The following GAS7 variants were observed in gnomAD, a reference collection of about 807,000 sequenced individuals.
The protein encoded by GAS7 is growth arrest specific 7, also known as growth arrest-specific protein 7.
In GAS7, 28 loss-of-function variants were observed where a neutral mutation model predicts 71.1. That is an observed-to-expected ratio of 0.39 (90% CI 0.29 to 0.54). The LOEUF (loss-of-function observed/expected upper bound fraction) is 0.54. Among genes scored for constraint, GAS7 ranks in the 20% least tolerant of loss-of-function variants. The pLI is 0.62. For synonymous variants in GAS7, 258 were observed against 245.8 expected (o/e 1.05, Z -0.46); for missense variants, 436 against 627.8 (o/e 0.69, Z 3.27).
chr17:10,193,291 T>C (rs111713193), intron 1 of GAS7, among the ~76,000 whole-genome samples: 2 of 148,586 alleles, frequency 1.3e-5, no homozygotes, highest in African/African-American at 5.0e-5. Context: ...CTCCAAGGAT[T>C]GCGATAGAGG....
At chr17:9,922,888 T>TCATTG (rs1282334230) in intron 11 of GAS7, among the ~76,000 whole-genome samples, 7 of 152,226 alleles carry the variant, frequency 4.6e-5, no homozygotes, top group African/African-American at 1.7e-4. Flanking sequence ...GTTACATATT[T>TCATTG]CACTGTCTTT....
chr17:10,134,196 A>AT (rs1012460609), intron 1 of GAS7, among the ~76,000 whole-genome samples: 11 of 150,950 alleles, frequency 7.3e-5, no homozygotes, highest in South Asian at 2.1e-4. Context: ...ACGCCTAGCT[A>AT]TTTTTCTTGT....
chr17:9,948,682 C>CAAA (rs774017409), intron 5 of GAS7, among the ~76,000 whole-genome samples: 1 of 135,232 alleles, frequency 7.4e-6, no homozygotes. Context: ...GACTCCCCCT[C>CAAA]AAAAAAAAAA....
chr17:10,094,145 T>C (rs2073617414), intron 1 of GAS7, among the ~76,000 whole-genome samples: 1 of 152,164 alleles, frequency 6.6e-6, no homozygotes, highest in Admixed American at 6.5e-5. Flanking sequence ...TGCTAATCGC[T>C]AACCTAAGGC....
rs78370174 is a variant in GAS7, at chr17:9,912,685, G to T, written c.*4543C>A. The T allele has an allele frequency of 3.9e-3, 912 of 232,818 alleles. 7 individuals carry two copies. The highest frequency in any genetic ancestry group is 0.019 in the African/African-American group (863 of 45,442). The allele number at this position is 232,818 out of a possible 1,614,324, so 14.4% of individuals were successfully genotyped here. ...ACCCACCACGCGCCAAAAGGCGAGTGTGAGCCCTAAGAACAGCTTGTGGGC... is the reference window on the plus strand; with the variant it reads ...ACCCACCACGCGCCAAAAGGCGAGTTTGAGCCCTAAGAACAGCTTGTGGGC... On this transcript the variant is annotated 3_prime_UTR_variant, in exon 14 of 14. Transcript: ENST00000432992.
chr17:9,925,897 TA>T (rs1400018530), intron 10 of GAS7, among the ~76,000 whole-genome samples: 2 of 152,126 alleles, frequency 1.3e-5, no homozygotes, highest in African/African-American at 4.8e-5. Context: ...TAGGCAGTCC[TA>T]AAGTCACAGC....
intron 1 of GAS7, among the ~76,000 whole-genome samples, chr17:10,091,087 A>G (rs1305560110): frequency 6.6e-6 from 1 of 151,996 alleles, no homozygotes; most frequent in African/African-American, 2.4e-5. Flanking sequence ...TGCTCCCCTC[A>G]ATGCTCTCCC....
At position 10,177,940 on chromosome 17, in the gene GAS7, C is replaced by G. The variant is rs1419493055; in HGVS notation, c.183+20268G>C. ...GCAATTCAGAAACAAACCAGAACACCGGCCGCATTAGGTCAGCACTGGCGC... is the reference window on the plus strand; with the variant it reads ...GCAATTCAGAAACAAACCAGAACACGGGCCGCATTAGGTCAGCACTGGCGC... On this transcript the variant is annotated intron_variant, in intron 1 of 13. Transcript: ENST00000432992. 3.3e-5 allele frequency among the ~76,000 whole-genome samples: 5 copies of G among 152,120 alleles called. No homozygotes were observed. In the South Asian group the frequency reaches 6.2e-4, roughly 19 times the overall value.
chr17:10,161,856 A>G (rs2074258601), intron 1 of GAS7, among the ~76,000 whole-genome samples: 1 of 152,068 alleles, frequency 6.6e-6, no homozygotes, highest in Admixed American at 6.6e-5. Context: ...TGAGGTCAGG[A>G]GATCGAGACC....
chr17:9,952,155 C>G (rs2069044675), intron 5 of GAS7, among the ~76,000 whole-genome samples: 1 of 152,174 alleles, frequency 6.6e-6, no homozygotes, highest in South Asian at 2.1e-4. Context: ...GTTGCTGGGT[C>G]CCACCCCCCA....
At position 10,056,218 on chromosome 17, in the gene GAS7, G is replaced by T. The variant is rs529172037; in HGVS notation, c.184-36321C>A. ...CTACAAAAAATGTAAACATTAGCCAGGCATGGTGGTGTGTGCCTGTAGTCC... is the reference window on the plus strand; with the variant it reads ...CTACAAAAAATGTAAACATTAGCCATGCATGGTGGTGTGTGCCTGTAGTCC... On this transcript the variant is annotated intron_variant, in intron 1 of 13. Transcript: ENST00000432992. Among the ~76,000 whole-genome samples the T allele has an allele frequency of 7.9e-5, 12 of 152,292 alleles. 1 individual carries two copies. The highest frequency in any genetic ancestry group is 2.9e-4 in the African/African-American group (12 of 41,566).
intron 8 of GAS7, among the ~76,000 whole-genome samples, chr17:9,936,004 C>T (rs866206258): frequency 6.6e-6 from 1 of 152,130 alleles, no homozygotes; most frequent in Non-Finnish European, 1.5e-5. Flanking sequence ...CAGCTAGGGC[C>T]GATTGACTGC....
At chr17:9,943,370 T>A (rs990262438) in intron 6 of GAS7, 134 bp from the exon 7 acceptor site, 1 of 645,388 alleles carries the variant, frequency 1.5e-6, no homozygotes, top group Non-Finnish European at 2.8e-6. Flanking sequence ...AGCAGCTGTC[T>A]CTGCTGCCCT....
intron 2 of GAS7, among the ~76,000 whole-genome samples, chr17:9,985,342 C>G (rs1261472089): frequency 2.6e-5 from 4 of 152,198 alleles, no homozygotes; most frequent in Non-Finnish European, 5.9e-5. Flanking sequence ...GCAAAGTGCT[C>G]CAGGATCCCA....
intron 1 of GAS7, among the ~76,000 whole-genome samples, chr17:10,173,736 G>C (rs1047679521): frequency 6.6e-6 from 1 of 150,790 alleles, no homozygotes. Context: ...CCACTGCACT[G>C]CAGCCTGGGG....
intron 1 of GAS7, among the ~76,000 whole-genome samples, chr17:10,129,493 C>A (rs1387294970): frequency 6.6e-6 from 1 of 152,100 alleles, no homozygotes; most frequent in Admixed American, 6.6e-5. Flanking sequence ...TATGATCACA[C>A]CACTGCATTA....
chr17:9,929,755 G>A (rs1423170578), intron 9 of GAS7, among the ~76,000 whole-genome samples: 7 of 152,104 alleles, frequency 4.6e-5, no homozygotes, highest in Non-Finnish European at 8.8e-5. Flanking sequence ...GGGATTACAG[G>A]TGTGAGCCAC....
intron 2 of GAS7, among the ~76,000 whole-genome samples, chr17:9,986,538 AC>A (rs1221509127): frequency 6.6e-6 from 1 of 152,152 alleles, no homozygotes. Flanking sequence ...CATGAAGGGA[AC>A]TACCAGTACA....
chr17:10,007,849 G>C (rs1369514380), intron 2 of GAS7, among the ~76,000 whole-genome samples: 2 of 151,776 alleles, frequency 1.3e-5, no homozygotes, highest in Non-Finnish European at 2.9e-5. Context: ...CATTTTTATT[G>C]TCTCAAAAAG....
Sources: gnomAD v4.1 joint callset for allele counts (sites outside exome capture counted in the v4.1 genomes callset) on GRCh38, gnomAD v4.1.1 for gene constraint, MANE v1.5 for transcripts, NCBI Gene and HGNC (gene_info 2026-07-23, HGNC 2026-07-21) for gene names.